HMGA2: variants seen among roughly 807,000 people sequenced by gnomAD.
HMGA2 encodes high mobility group protein HMGI-C.
A neutral mutation model predicts 19.1 loss-of-function variants in HMGA2; 8 were observed. The observed-to-expected ratio is 0.42, with a 90% CI of 0.25 to 0.76. HMGA2 has a LOEUF of 0.76. Among genes scored for constraint, HMGA2 ranks in the 30% least tolerant of loss-of-function variants. HMGA2 has a pLI of 0.28. For synonymous variants in HMGA2, 60 were observed against 48.8 expected, an observed-to-expected ratio of 1.23 and a Z score of -0.96; for missense variants, 109 against 136.3, an observed-to-expected ratio of 0.80 and a Z score of 1.00.
In HMGA2 at chr12:65,965,514, G is replaced by C. The variant is rs929928613; in HGVS notation, c.*2222G>C. 1 of 208,918 alleles carries C rather than the reference G, an allele frequency of 4.8e-6. No homozygotes were observed. The highest frequency in any genetic ancestry group is 9.8e-6 in the Non-Finnish European group (1 of 102,450). 12.9% of individuals were successfully genotyped at this position (208,918 alleles called of 1,614,324 possible). On this transcript the variant is annotated 3_prime_UTR_variant, in exon 5 of 5. Transcript: ENST00000403681. ...CTGCTTCAGGGAGGTAGTTTCAAAG[G>C]CCACATACCTCTCTGAGACTGGCAG...
intron 3 of HMGA2, among the ~76,000 whole-genome samples, chr12:65,917,431 C>T (rs1056626477): frequency 1.3e-5 from 2 of 152,170 alleles, no homozygotes; most frequent in African/African-American, 2.4e-5. Context: ...TGGATCTGGT[C>T]TGGATTGTTT....
chr12:65,873,575 T>A (rs1872816083), intron 3 of HMGA2, among the ~76,000 whole-genome samples: 1 of 152,194 alleles, frequency 6.6e-6, no homozygotes, highest in Admixed American at 6.5e-5. Flanking sequence ...TAATTTCCCT[T>A]ATAAATATGA....
At chr12:65,832,175 A>G (rs759684149) in intron 2 of HMGA2, among the ~76,000 whole-genome samples, 55 of 151,966 alleles carry the variant, frequency 3.6e-4, no homozygotes, top group Non-Finnish European at 7.1e-4. Context: ...ACAATTGACT[A>G]ATTTTTTTCT....
intron 3 of HMGA2, among the ~76,000 whole-genome samples, chr12:65,854,802 T>C (rs529223720): frequency 6.6e-6 from 1 of 152,304 alleles, no homozygotes; most frequent in East Asian, 1.9e-4. Flanking sequence ...TACACTAAAT[T>C]TGTCTTCTCT....
chr12:65,915,232 A>G, intron 3 of HMGA2: 1 of 1,583,944 alleles, frequency 6.3e-7, no homozygotes, highest in Non-Finnish European at 8.6e-7. Flanking sequence ...TCCGATATAG[A>G]AACCTATCAG....
chr12:65,873,421 A>AC (rs1872808403), intron 3 of HMGA2, among the ~76,000 whole-genome samples: 2 of 152,276 alleles, frequency 1.3e-5, no homozygotes, highest in South Asian at 4.1e-4. Flanking sequence ...AATCTAGGCT[A>AC]AGTGTAGATG....
intron 3 of HMGA2, among the ~76,000 whole-genome samples, chr12:65,902,148 A>G (rs1874397391): frequency 6.6e-6 from 1 of 152,018 alleles, no homozygotes; most frequent in African/African-American, 2.4e-5. Context: ...TGTAATATGG[A>G]TCATCCTACT....
intron 3 of HMGA2, among the ~76,000 whole-genome samples, chr12:65,902,076 G>C (rs779832833): frequency 2.0e-5 from 3 of 152,074 alleles, no homozygotes; most frequent in Non-Finnish European, 4.4e-5. Flanking sequence ...CTTTGTCCTG[G>C]GCTCTGCACC....
intron 3 of HMGA2, among the ~76,000 whole-genome samples, chr12:65,877,541 A>C (rs1764681543): frequency 6.6e-6 from 1 of 152,262 alleles, no homozygotes; most frequent in African/African-American, 2.4e-5. Flanking sequence ...GGTCTCTCCA[A>C]AGTTCATCCC....
chr12:65,935,884 T>C (rs1249906530), intron 3 of HMGA2, among the ~76,000 whole-genome samples: 1 of 152,186 alleles, frequency 6.6e-6, no homozygotes, highest in Non-Finnish European at 1.5e-5. Flanking sequence ...CAGGGTGTTT[T>C]GAAGATAGGA....
At chr12:65,849,736 A>ATTTTTTTTTTTTTTTTTTTTTTTTTTTTT (rs34541445) in intron 3 of HMGA2, among the ~76,000 whole-genome samples, 1 of 85,126 alleles carries the variant, frequency 1.2e-5, no homozygotes. Context: ...TAGGCTCTGT[A>ATTTTTTTTTTTTTTTTTTTTTTTTTTTTT]TTTTTTTTTT....
At chr12:65,906,329 G>T (rs1050629298) in intron 3 of HMGA2, among the ~76,000 whole-genome samples, 1 of 152,132 alleles carries the variant, frequency 6.6e-6, no homozygotes, top group African/African-American at 2.4e-5. Context: ...CACTTGGGGG[G>T]TCAGTGCCTC....
intron 3 of HMGA2, among the ~76,000 whole-genome samples, chr12:65,869,114 G>A (rs1872580191): frequency 6.6e-6 from 1 of 152,122 alleles, no homozygotes; most frequent in Non-Finnish European, 1.5e-5. Context: ...AATGACTCTA[G>A]GAACTGTTTT....
chr12:65,947,656 C>T (rs1429551639), intron 3 of HMGA2, among the ~76,000 whole-genome samples: 1 of 152,210 alleles, frequency 6.6e-6, no homozygotes, highest in African/African-American at 2.4e-5. Flanking sequence ...AGTGCCTAAA[C>T]TGTATAAACT....
chr12:65,945,369 C>A (rs1876229762), intron 3 of HMGA2, among the ~76,000 whole-genome samples: 1 of 152,058 alleles, frequency 6.6e-6, no homozygotes, highest in South Asian at 2.1e-4. Context: ...ACAAGTATGT[C>A]GATCACATAA....
At chr12:65,898,296 T>C (rs1874220402) in intron 3 of HMGA2, among the ~76,000 whole-genome samples, 1 of 152,222 alleles carries the variant, frequency 6.6e-6, no homozygotes, top group Non-Finnish European at 1.5e-5. Flanking sequence ...TATTCATTTT[T>C]TTTTTCAGGT....
At chr12:65,918,538 T>C (rs1875190008) in intron 3 of HMGA2, among the ~76,000 whole-genome samples, 1 of 152,226 alleles carries the variant, frequency 6.6e-6, no homozygotes, top group African/African-American at 2.4e-5. Flanking sequence ...TTGTATGCAG[T>C]GATGACATAA....
At chr12:65,895,577 G>A (rs147789313) in intron 3 of HMGA2, among the ~76,000 whole-genome samples, 139 of 152,182 alleles carry the variant, frequency 9.1e-4, no homozygotes, top group African/African-American at 3.3e-3. Context: ...GGTAGACCCC[G>A]GCTCTTGTAT....
intron 3 of HMGA2, among the ~76,000 whole-genome samples, chr12:65,888,859 G>A (rs992965150): frequency 6.6e-5 from 10 of 151,756 alleles, no homozygotes; most frequent in Admixed American, 2.6e-4. Flanking sequence ...CACGGCGCCC[G>A]GCCCCGTGGT....
Sources: gnomAD v4.1 joint callset for allele counts (sites outside exome capture counted in the v4.1 genomes callset) on GRCh38, gnomAD v4.1.1 for gene constraint, MANE v1.5 for transcripts, NCBI Gene and HGNC (gene_info 2026-07-23, HGNC 2026-07-21) for gene names.